Variants in MAP2 observed in about 807,000 individuals in gnomAD.
The protein encoded by MAP2 is microtubule associated protein 2.
In MAP2, 14 loss-of-function variants were observed where a neutral mutation model predicts 137.6. The ratio of observed to expected loss-of-function variants is 0.10; its 90% confidence interval spans 0.07 to 0.16. The LOEUF (loss-of-function observed/expected upper bound fraction) is 0.16. MAP2 is among the 10% of genes least tolerant of loss of function. The pLI, the probability that MAP2 is intolerant of heterozygous loss-of-function variation, is 1.00. For missense variants in MAP2, 2,088 were observed against 2,191.5 expected, an observed-to-expected ratio of 0.95 and a Z score of 0.94; for synonymous variants, 786 against 782.3, an observed-to-expected ratio of 1.00 and a Z score of -0.08.
chr2:209,455,749 G>T (rs1022988625), intron 1 of MAP2, among the ~76,000 whole-genome samples: 2 of 152,116 alleles, frequency 1.3e-5, no homozygotes, highest in African/African-American at 4.8e-5. Context: ...TGGTCCTGAG[G>T]AATGGATGTC....
chr2:209,547,500 G>A (rs2068320771), intron 2 of MAP2, among the ~76,000 whole-genome samples: 1 of 152,112 alleles, frequency 6.6e-6, no homozygotes, highest in African/African-American at 2.4e-5. Context: ...CCGGCAGATT[G>A]TAAAGTTTGA....
chr2:209,724,811 A>C (rs910221351), intron 13 of MAP2, among the ~76,000 whole-genome samples: 5 of 152,176 alleles, frequency 3.3e-5, no homozygotes, highest in Admixed American at 3.3e-4. Context: ...ACCATGTGGT[A>C]CTCTCATAAA....
chr2:209,524,453 T>G (rs2063732616), intron 2 of MAP2, among the ~76,000 whole-genome samples: 1 of 152,128 alleles, frequency 6.6e-6, no homozygotes, highest in Admixed American at 6.6e-5. Flanking sequence ...ATGCTGGCTG[T>G]TAGCTTTATG....
At chr2:209,704,788 A>G (rs1003387802) in intron 11 of MAP2, among the ~76,000 whole-genome samples, 1 of 152,078 alleles carries the variant, frequency 6.6e-6, no homozygotes, top group Non-Finnish European at 1.5e-5. Flanking sequence ...AAATTTTGAT[A>G]AACAGTATAC....
intron 2 of MAP2, among the ~76,000 whole-genome samples, chr2:209,541,197 A>C (rs1404772805): frequency 1.3e-5 from 2 of 150,802 alleles, no homozygotes; most frequent in Non-Finnish European, 2.9e-5. Context: ...TGCCTGACTA[A>C]TTTTTGTATT....
Position 209,638,934 on chromosome 2 carries a change from TTGATAA to T in MAP2, c.-30+13810_-30+13815del, listed in dbSNP as rs111992808. ...AAACCAACATAAATTAATCGATGGA[TTGATAA>T]TGATCTTAAAATTAAATGAAGGCCT... On this transcript the variant is annotated intron_variant, in intron 4 of 15. Coordinates refer to ENST00000682079, the MANE Select transcript of MAP2 (RefSeq NM_001375505.1). 1.8e-3 allele frequency among the ~76,000 whole-genome samples: 280 copies of T among 152,278 alleles called. 3 individuals are homozygous for T. Among genetic ancestry groups the T allele is most frequent in the African/African-American group, 6.4e-3 (266 of 41,560 alleles).
chr2:209,616,560 C>T (rs1246520128), intron 3 of MAP2, among the ~76,000 whole-genome samples: 1 of 152,204 alleles, frequency 6.6e-6, no homozygotes, highest in African/African-American at 2.4e-5. Flanking sequence ...AGGAGCTCAT[C>T]TACACAAAGT....
In MAP2 at chr2:209,568,816, G is replaced by A. The variant is rs186213500; in HGVS notation, c.-171-11220G>A. On this transcript the variant is annotated intron_variant, in intron 2 of 15. Transcript: ENST00000682079. ...AGCCAAGAAATTAATGACTCTAGAA[G>A]ATGGTTCTGCTTGACTGGTTGGCTG... Among the ~76,000 whole-genome samples the A allele has an allele frequency of 2.7e-3, 414 of 151,856 alleles. 2 individuals are homozygous for A. Among genetic ancestry groups the A allele is most frequent in the African/African-American group, 9.4e-3 (389 of 41,526 alleles).
intron 4 of MAP2, among the ~76,000 whole-genome samples, chr2:209,639,549 C>T (rs898001338): frequency 6.6e-6 from 1 of 152,086 alleles, no homozygotes; most frequent in Non-Finnish European, 1.5e-5. Flanking sequence ...ACTTTCCATA[C>T]CACTGCTGGA....
chr2:209,452,481 G>C (rs940185409), intron 1 of MAP2, among the ~76,000 whole-genome samples: 1 of 152,036 alleles, frequency 6.6e-6, no homozygotes, highest in Non-Finnish European at 1.5e-5. Flanking sequence ...AAAAATCATG[G>C]TTAGTACCCC....
At chr2:209,643,804 A>G (rs998782290) in intron 4 of MAP2, among the ~76,000 whole-genome samples, 7 of 152,222 alleles carry the variant, frequency 4.6e-5, no homozygotes, top group Non-Finnish European at 1.0e-4. Context: ...GAATACGAGC[A>G]GTCTATCTTG....
chr2:209,559,574 G>T (rs138571059), intron 2 of MAP2, among the ~76,000 whole-genome samples: 2,938 of 150,076 alleles, frequency 0.02, 93 homozygotes, highest in African/African-American at 0.068. Context: ...TCGCTTAAAC[G>T]CGGGAGGCAG....
At chr2:209,664,688 G>A (rs1051505492) in intron 5 of MAP2, among the ~76,000 whole-genome samples, 4 of 151,940 alleles carry the variant, frequency 2.6e-5, no homozygotes, top group Admixed American at 1.3e-4. Flanking sequence ...AAGGAAAACC[G>A]TGGCTCATGC....
intron 2 of MAP2, among the ~76,000 whole-genome samples, chr2:209,564,983 G>A (rs2073077734): frequency 6.6e-6 from 1 of 151,938 alleles, no homozygotes; most frequent in African/African-American, 2.4e-5. Flanking sequence ...ATGTGTCTCC[G>A]CCCCTTGCTG....
chr2:209,695,216 G>T lies in MAP2; in HGVS notation c.3046G>T (p.Glu1016Ter). The T allele has an allele frequency of 6.2e-7, 1 of 1,614,174 alleles. No homozygotes were observed. The highest frequency in any genetic ancestry group is 8.5e-7 in the Non-Finnish European group (1 of 1,180,020). The change falls in exon 8 of 16, where the codon GAG (glutamate) becomes TAG (stop). Residue 1016 changes from glutamate to a stop codon, truncating the protein, a stop_gained. Transcript: ENST00000682079. LOFTEE classifies it high-confidence loss of function. ...AACAGATGCATCCTCTGAGAAAGCA[G>T]AGAAGGGTCTTAGTTCAGTGCCAGA... is the stretch of plus-strand genomic sequence containing the variant. ...IPTDASSEKA[E>*]KGLSSVPEIA... is the part of the protein sequence containing the mutation.
At chr2:209,570,425 C>T (rs1010566499) in intron 2 of MAP2, among the ~76,000 whole-genome samples, 2 of 151,876 alleles carry the variant, frequency 1.3e-5, no homozygotes, top group African/African-American at 4.8e-5. Flanking sequence ...CCTATTTCCT[C>T]AACTGTAAAA....
intron 1 of MAP2, among the ~76,000 whole-genome samples, chr2:209,468,779 G>A (rs1399411870): frequency 3.3e-5 from 5 of 152,120 alleles, no homozygotes; most frequent in East Asian, 1.9e-4. Context: ...GTTACAGATT[G>A]CATCTAATTA....
chr2:209,498,685 G>A (rs2060038004), intron 1 of MAP2, among the ~76,000 whole-genome samples: 1 of 152,250 alleles, frequency 6.6e-6, no homozygotes, highest in African/African-American at 2.4e-5. Context: ...CATGGAGGCT[G>A]CCAAGACTTA....
At chr2:209,476,243 G>A (rs10514642) in intron 1 of MAP2, among the ~76,000 whole-genome samples, 10,204 of 152,056 alleles carry the variant, frequency 0.067, 436 homozygotes, top group African/African-American at 0.11. Context: ...GCAGTCACTT[G>A]GAAAGAAGAT....
Sources: gnomAD v4.1 joint callset for allele counts (sites outside exome capture counted in the v4.1 genomes callset) on GRCh38, gnomAD v4.1.1 for gene constraint, MANE v1.5 for transcripts, NCBI Gene and HGNC (gene_info 2026-07-23, HGNC 2026-07-21) for gene names.